Variants in SMYD3 observed in about 807,000 individuals in gnomAD.
SMYD3 encodes SET and MYND domain containing 3.
SMYD3 carries 36 observed loss-of-function variants against 57.7 expected under a neutral mutation model. The observed-to-expected ratio is 0.62, with a 90% CI of 0.48 to 0.82. The LOEUF (loss-of-function observed/expected upper bound fraction) is 0.82. SMYD3 is among the 40% of genes least tolerant of loss of function. The pLI is 0.00. For synonymous variants in SMYD3, 211 were observed against 195.0 expected (o/e 1.08, Z -0.68); for missense variants, 515 against 538.8 (o/e 0.96, Z 0.44).
At chr1:246,191,189 A>T (rs919773234) in intron 5 of SMYD3, among the ~76,000 whole-genome samples, 1 of 152,242 alleles carries the variant, frequency 6.6e-6, no homozygotes, top group African/African-American at 2.4e-5. Context: ...GCAGCAAAAT[A>T]TAAAAGTATC....
intron 5 of SMYD3, among the ~76,000 whole-genome samples, chr1:246,153,480 G>A (rs1049997369): frequency 3.3e-5 from 5 of 152,020 alleles, no homozygotes; most frequent in African/African-American, 2.4e-5. Context: ...TTGATTGGCC[G>A]ATTGCTTTTC....
chr1:246,207,810 T>G (rs565472204), intron 5 of SMYD3, among the ~76,000 whole-genome samples: 4 of 152,266 alleles, frequency 2.6e-5, no homozygotes, highest in Admixed American at 1.3e-4. Flanking sequence ...GATTTGCTTT[T>G]GGGGTAGATG....
chr1:246,421,742 G>A (rs2067145793), intron 1 of SMYD3, among the ~76,000 whole-genome samples: 2 of 152,176 alleles, frequency 1.3e-5, no homozygotes, highest in South Asian at 2.1e-4. Flanking sequence ...TACTGCTCAG[G>A]GAGAGGGAAG....
At chr1:246,051,081 T>C (rs2060058708) in intron 5 of SMYD3, among the ~76,000 whole-genome samples, 3 of 151,768 alleles carry the variant, frequency 2.0e-5, no homozygotes, top group African/African-American at 7.3e-5. Context: ...TTTGGAAAGA[T>C]GAGATGTTTG....
intron 5 of SMYD3, among the ~76,000 whole-genome samples, chr1:246,315,786 G>A (rs2065145796): frequency 1.3e-5 from 2 of 152,186 alleles, no homozygotes; most frequent in South Asian, 4.1e-4. Context: ...AACTTTTGAA[G>A]ATAGAAGGAA....
At chr1:245,954,687 A>G (rs2057775165) in intron 5 of SMYD3, among the ~76,000 whole-genome samples, 1 of 152,172 alleles carries the variant, frequency 6.6e-6, no homozygotes, top group Non-Finnish European at 1.5e-5. Context: ...GTCGCAAATT[A>G]AATTTTAAAA....
intron 11 of SMYD3, among the ~76,000 whole-genome samples, chr1:245,762,905 T>G (rs2045913331): frequency 6.6e-6 from 1 of 152,098 alleles, no homozygotes; most frequent in Non-Finnish European, 1.5e-5. Flanking sequence ...CCTGTTAAAG[T>G]GTCAAGCGCT....
At chr1:246,447,287 C>G (rs1405104842) in intron 1 of SMYD3, among the ~76,000 whole-genome samples, 1 of 152,102 alleles carries the variant, frequency 6.6e-6, no homozygotes, top group Non-Finnish European at 1.5e-5. Context: ...CTTTACATTT[C>G]TGGTCCCAAT....
At chr1:246,198,965 C>T (rs867954684) in intron 5 of SMYD3, among the ~76,000 whole-genome samples, 3 of 152,010 alleles carry the variant, frequency 2.0e-5, no homozygotes, top group African/African-American at 7.3e-5. Flanking sequence ...TAAATTTTTG[C>T]TTATAATTTC....
intron 8 of SMYD3, among the ~76,000 whole-genome samples, chr1:245,895,183 C>T (rs1174004905): frequency 1.1e-3 from 1 of 952 alleles, no homozygotes; most frequent in African/African-American, 1.4e-3. Flanking sequence ...TAAACATGAA[C>T]TCAAACAGAC....
intron 10 of SMYD3, among the ~76,000 whole-genome samples, chr1:245,824,859 AAAAAAAAAAAC>A (rs2049386743): frequency 6.7e-6 from 1 of 150,196 alleles, no homozygotes; most frequent in African/African-American, 2.4e-5. Context: ...TCCGTCTCAA[AAAAAAAAAAAC>A]AAAAAAAAAA....
intron 10 of SMYD3, among the ~76,000 whole-genome samples, chr1:245,834,927 C>T (rs953552969): frequency 6.6e-6 from 1 of 152,182 alleles, no homozygotes; most frequent in Non-Finnish European, 1.5e-5. Context: ...TTGGGGAAGA[C>T]ATTCCCACGT....
At chr1:245,931,124 T>A (rs2056690989) in intron 5 of SMYD3, among the ~76,000 whole-genome samples, 1 of 152,026 alleles carries the variant, frequency 6.6e-6, no homozygotes, top group Non-Finnish European at 1.5e-5. Context: ...CATATTTGGG[T>A]TTTGCTCTGA....
intron 1 of SMYD3, among the ~76,000 whole-genome samples, chr1:246,498,139 A>G (rs1048421450): frequency 6.6e-6 from 1 of 152,254 alleles, no homozygotes; most frequent in Non-Finnish European, 1.5e-5. Context: ...ACAACCCCAC[A>G]TAGGTATTTA....
At chr1:246,370,692 CTCTA>C (rs765550657) in intron 1 of SMYD3, among the ~76,000 whole-genome samples, 6 of 152,214 alleles carry the variant, frequency 3.9e-5, no homozygotes, top group Non-Finnish European at 7.3e-5. Context: ...TTTTGTCCAT[CTCTA>C]TCAGAAAAGT....
intron 5 of SMYD3, among the ~76,000 whole-genome samples, chr1:246,001,442 T>C (rs1051474542): frequency 6.6e-6 from 1 of 152,158 alleles, no homozygotes. Flanking sequence ...CCAGGTACTA[T>C]GGAAGAGACA....
At chr1:245,918,416 C>T (rs889261958) in intron 7 of SMYD3, among the ~76,000 whole-genome samples, 2 of 152,088 alleles carry the variant, frequency 1.3e-5, no homozygotes, top group African/African-American at 4.8e-5. Flanking sequence ...AAGGAGTGTC[C>T]GTAGCACCGT....
At chr1:245,859,608 C>G (rs112480695) in intron 9 of SMYD3, among the ~76,000 whole-genome samples, 4 of 152,272 alleles carry the variant, frequency 2.6e-5, no homozygotes, top group African/African-American at 9.6e-5. Context: ...AGTGCAGGAC[C>G]CTGGGACCTC....
intron 5 of SMYD3, among the ~76,000 whole-genome samples, chr1:246,238,107 A>T (rs945016184): frequency 1.3e-5 from 2 of 152,140 alleles, no homozygotes; most frequent in African/African-American, 4.8e-5. Context: ...TCTGTTGACC[A>T]GGATGAAGTG....
Sources: allele counts gnomAD v4.1 joint callset (sites outside exome capture counted in the v4.1 genomes callset), GRCh38; gene constraint gnomAD v4.1.1; transcripts MANE v1.5; gene names NCBI Gene and HGNC (gene_info 2026-07-23, HGNC 2026-07-21).